Variants in CACNA2D3 observed in about 807,000 individuals in gnomAD.
CACNA2D3 encodes voltage-dependent calcium channel subunit alpha-2/delta-3.
In CACNA2D3, 60 loss-of-function variants were observed where a neutral mutation model predicts 160.6. That is an observed-to-expected ratio of 0.37 (90% CI 0.30 to 0.46). The LOEUF (loss-of-function observed/expected upper bound fraction) is 0.46. CACNA2D3 is among the 20% of genes least tolerant of loss of function. The probability of loss-of-function intolerance (pLI) is 1.00; values close to 1 mark genes in which losing one functional copy is unlikely to be tolerated. For synonymous variants in CACNA2D3, 558 were observed against 492.9 expected (o/e 1.13, Z -1.75); for missense variants, 1,205 against 1,365.0 (o/e 0.88, Z 1.85).
At chr3:54,691,992 T>C (rs1243603693) in intron 11 of CACNA2D3, among the ~76,000 whole-genome samples, 1 of 152,134 alleles carries the variant, frequency 6.6e-6, no homozygotes, top group Non-Finnish European at 1.5e-5. Context: ...TCTTCCTTTT[T>C]TTTTGAGACA....
chr3:54,235,544 A>C (rs554229522), intron 2 of CACNA2D3, among the ~76,000 whole-genome samples: 28 of 152,296 alleles, frequency 1.8e-4, no homozygotes, highest in African/African-American at 6.5e-4. Flanking sequence ...GGATGGTACT[A>C]AACCATTCAT....
intron 12 of CACNA2D3, among the ~76,000 whole-genome samples, chr3:54,762,267 A>C (rs1702094188): frequency 6.6e-6 from 1 of 152,104 alleles, no homozygotes; most frequent in African/African-American, 2.4e-5. Context: ...ATTCTGAGCT[A>C]TTTTTAGTTC....
intron 27 of CACNA2D3, among the ~76,000 whole-genome samples, chr3:54,915,549 C>T (rs527513007): frequency 3.9e-5 from 6 of 152,222 alleles, no homozygotes; most frequent in East Asian, 3.9e-4. Flanking sequence ...ATCTATGAGG[C>T]GTTTGCAAAT....
At chr3:54,746,262 G>T (rs1005527564) in intron 11 of CACNA2D3, among the ~76,000 whole-genome samples, 1 of 152,208 alleles carries the variant, frequency 6.6e-6, no homozygotes, top group Non-Finnish European at 1.5e-5. Flanking sequence ...ATTCAGAAAT[G>T]CTTCTCTGTA....
chr3:54,935,411 T>C (rs923395439), intron 27 of CACNA2D3, among the ~76,000 whole-genome samples: 4 of 152,134 alleles, frequency 2.6e-5, no homozygotes, highest in Non-Finnish European at 5.9e-5. Context: ...AGTGAGCTCA[T>C]GCGGCTGGTG....
At chr3:54,955,098 C>G (rs888121761) in intron 27 of CACNA2D3, among the ~76,000 whole-genome samples, 1 of 152,116 alleles carries the variant, frequency 6.6e-6, no homozygotes, top group Non-Finnish European at 1.5e-5. Context: ...CAAAATTATT[C>G]GAACGTACGT....
chr3:54,286,040 A>G (rs1703014138), intron 2 of CACNA2D3, among the ~76,000 whole-genome samples: 1 of 152,252 alleles, frequency 6.6e-6, no homozygotes, highest in South Asian at 2.1e-4. Context: ...CTCCAAAGGA[A>G]TGCAGCTCCT....
chr3:54,736,007 GTATATATATACA>G (rs1251016064), intron 11 of CACNA2D3, among the ~76,000 whole-genome samples: 5,951 of 90,080 alleles, frequency 0.066, 122 homozygotes, highest in Non-Finnish European at 0.079. Context: ...ATATATATAT[GTATATATATACA>G]CATACATATA....
Position 54,642,118 on chromosome 3 carries a change from C to A in CACNA2D3, c.1054-10C>A, listed in dbSNP as rs1260018088. 4.5e-6 allele frequency: 7 copies of A among 1,571,968 alleles called. No individual in the cohort carries two copies. Among genetic ancestry groups the A allele is most frequent in the Middle Eastern group, 1.7e-4 (1 of 5,974 alleles). On this transcript the variant is annotated splice_polypyrimidine_tract_variant and intron_variant, in intron 10 of 37. Coordinates refer to ENST00000474759, the MANE Select transcript of CACNA2D3 (RefSeq NM_018398.3). ...TATGTATACTATTTTGAACTTATTT[C>A]TTTCCCTAGTTCAACCACACGGGAC... is the stretch of plus-strand genomic sequence containing the variant.
intron 9 of CACNA2D3, chr3:54,626,427 G>A (rs1699104444): frequency 6.9e-6 from 11 of 1,586,940 alleles, no homozygotes; most frequent in Non-Finnish European, 8.6e-6. Flanking sequence ...CCATGGAGAA[G>A]CCGGAAGTGG....
At chr3:54,823,299 T>G (rs570055529) in intron 14 of CACNA2D3, among the ~76,000 whole-genome samples, 147 of 152,308 alleles carry the variant, frequency 9.7e-4, no homozygotes, top group African/African-American at 3.4e-3. Flanking sequence ...CATGTACTAT[T>G]TTTATGCTTT....
chr3:54,945,453 C>T (rs1701588747), intron 27 of CACNA2D3, among the ~76,000 whole-genome samples: 1 of 152,132 alleles, frequency 6.6e-6, no homozygotes, highest in Non-Finnish European at 1.5e-5. Context: ...ATCTCTTTTT[C>T]CCTAGGAGCC....
chr3:54,627,980 C>G, intron 10 of CACNA2D3, 104 bp downstream of exon 10: 2 of 777,744 alleles, frequency 2.6e-6, no homozygotes, highest in Admixed American at 4.1e-5. Flanking sequence ...GACCTTTAAT[C>G]CCAGCCCTTT....
At chr3:55,028,035 C>T (rs1390336063) in intron 35 of CACNA2D3, among the ~76,000 whole-genome samples, 1 of 152,146 alleles carries the variant, frequency 6.6e-6, no homozygotes, top group Non-Finnish European at 1.5e-5. Context: ...GGTGGTTCTA[C>T]CCATATAGCA....
At chr3:54,730,009 A>AT (rs1307536846) in intron 11 of CACNA2D3, among the ~76,000 whole-genome samples, 4 of 151,680 alleles carry the variant, frequency 2.6e-5, no homozygotes, top group Non-Finnish European at 2.9e-5. Flanking sequence ...AAAAAAAAAA[A>AT]AAAAAAAAAA....
chr3:54,154,030 A>C (rs943796097), intron 2 of CACNA2D3, among the ~76,000 whole-genome samples: 3 of 152,208 alleles, frequency 2.0e-5, no homozygotes, highest in African/African-American at 7.2e-5. Flanking sequence ...CTAGCTTTTT[A>C]GCTGCAAAAT....
At chr3:54,488,312 C>T (rs999060314) in intron 4 of CACNA2D3, among the ~76,000 whole-genome samples, 1 of 152,142 alleles carries the variant, frequency 6.6e-6, no homozygotes, top group South Asian at 2.1e-4. Context: ...CATAGGAGGA[C>T]TTCCGAAACC....
At chr3:54,441,585 G>A (rs1700145622) in intron 4 of CACNA2D3, among the ~76,000 whole-genome samples, 1 of 152,140 alleles carries the variant, frequency 6.6e-6, no homozygotes. Context: ...GAATGGTATT[G>A]CCTAGGTTTT....
At chr3:54,482,089 A>G (rs79084882) in intron 4 of CACNA2D3, among the ~76,000 whole-genome samples, 3,141 of 152,318 alleles carry the variant, frequency 0.021, 88 homozygotes, top group East Asian at 0.11. Context: ...TACATTTGCT[A>G]TATTTGGTAA....
Sources: gnomAD v4.1 joint callset for allele counts (sites outside exome capture counted in the v4.1 genomes callset) on GRCh38, gnomAD v4.1.1 for gene constraint, MANE v1.5 for transcripts, NCBI Gene and HGNC (gene_info 2026-07-23, HGNC 2026-07-21) for gene names.